MIER1: variants seen among roughly 807,000 people sequenced by gnomAD.
MIER1 encodes mesoderm induction early response protein 1.
In MIER1, 40 loss-of-function variants were observed where a neutral mutation model predicts 75.7. The observed-to-expected ratio is 0.53, with a 90% confidence interval of 0.41 to 0.69. The LOEUF (loss-of-function observed/expected upper bound fraction) is 0.69. MIER1 is among the 30% of genes least tolerant of loss of function. The pLI is 0.00. For synonymous variants in MIER1, 213 were observed against 223.4 expected (o/e 0.95, Z 0.42); for missense variants, 574 against 680.2 (o/e 0.84, Z 1.74).
chr1:66,952,625 CTGCTTTTCTACA>C (rs1183111225), intron 4 of MIER1, among the ~76,000 whole-genome samples: 2 of 152,062 alleles, frequency 1.3e-5, no homozygotes, highest in African/African-American at 4.8e-5. Context: ...TTCTCTATTT[CTGCTTTTCTACA>C]TGGTTTACCT....
chr1:66,943,818 C>T (rs1030313763), intron 3 of MIER1, among the ~76,000 whole-genome samples: 1 of 152,140 alleles, frequency 6.6e-6, no homozygotes, highest in African/African-American at 2.4e-5. Flanking sequence ...TACATAGACT[C>T]TCCTTAAGTA....
intron 4 of MIER1, chr1:66,947,909 A>C: frequency 1.0e-6 from 1 of 985,322 alleles, no homozygotes; most frequent in East Asian, 1.1e-4. Context: ...TATGCATCCC[A>C]AGGCCGGCTC....
chr1:66,975,177 A>G (rs1045154491), intron 11 of MIER1, among the ~76,000 whole-genome samples: 7 of 152,236 alleles, frequency 4.6e-5, no homozygotes, highest in African/African-American at 1.7e-4. Context: ...GCAGAAATTT[A>G]TGGGATAAAG....
At chr1:66,925,687 T>G (rs984817297) in intron 1 of MIER1, among the ~76,000 whole-genome samples, 3 of 152,210 alleles carry the variant, frequency 2.0e-5, no homozygotes, top group Admixed American at 1.3e-4. Flanking sequence ...CTCTTGTTCT[T>G]TCAGCTTGTA....
Position 66,984,619 on chromosome 1 carries a change from A to G in MIER1, c.1417A>G (p.Lys473Glu). Reference sequence around the variant, plus strand: ...TGAAATATTAAACAAAGAGGAAGTAAAAGTTGAAGGGTTACACATTAATGG... The same window carrying G: ...TGAAATATTAAACAAAGAGGAAGTAGAAGTTGAAGGGTTACACATTAATGG... ...PGEILNKEEV[K>E]VEGLHINGPT... The change falls in exon 14 of 14, where the codon AAA (lysine) becomes GAA (glutamate). Residue 473 changes from lysine (K) to glutamate (E), a missense_variant. By Grantham distance (56) the Lys-to-Glu change is moderately conservative. This residue lies in a region of MIER1 where 164 missense variants were observed against 154.3 expected (regional missense o/e 1.06). Coordinates refer to ENST00000401041, the MANE Select transcript of MIER1 (RefSeq NM_001077700.3). 1 of 1,610,174 alleles carries G rather than the reference A, an allele frequency of 6.2e-7. No individual in the cohort carries two copies. The highest frequency in any genetic ancestry group is 8.5e-7 in the Non-Finnish European group (1 of 1,178,918).
chr1:66,930,488 A>G, intron 2 of MIER1: 4 of 1,383,878 alleles, frequency 2.9e-6, no homozygotes, highest in East Asian at 2.6e-5. Flanking sequence ...TGGCCAGGAG[A>G]GGCCCGGCCC....
chr1:66,971,303 C>T (rs538556351), intron 9 of MIER1, among the ~76,000 whole-genome samples: 1 of 152,034 alleles, frequency 6.6e-6, no homozygotes, highest in East Asian at 1.9e-4. Context: ...ATGAACCTAT[C>T]TTTTTTACCT....
intron 11 of MIER1, among the ~76,000 whole-genome samples, chr1:66,974,884 A>C (rs183454553): frequency 6.6e-6 from 1 of 152,176 alleles, no homozygotes; most frequent in East Asian, 1.9e-4. Flanking sequence ...ATTTTTCATA[A>C]TCTTAACTTT....
intron 2 of MIER1, among the ~76,000 whole-genome samples, chr1:66,927,549 ATT>A (rs891975363): frequency 6.6e-6 from 1 of 151,660 alleles, no homozygotes; most frequent in East Asian, 1.9e-4. Flanking sequence ...TTAAAAATAA[ATT>A]TTTTTTTGTT....
chr1:66,925,142 G>A (rs1435606018), intron 1 of MIER1, 47 bp downstream of exon 1: 4 of 1,538,270 alleles, frequency 2.6e-6, no homozygotes, highest in African/African-American at 2.8e-5. Context: ...ATTCCAGTTT[G>A]GGATGAGGGG....
At position 66,987,679 on chromosome 1, in the gene MIER1, ATAC is replaced by A. The variant is rs1383690625; in HGVS notation, c.*2781_*2783del. ...TTTTTTAAACATATTTGCCTACATA[ATAC>A]TGTGTGAATATTTTCATTAGATTAA... is the stretch of plus-strand genomic sequence containing the variant. On this transcript the variant is annotated 3_prime_UTR_variant, in exon 14 of 14. Coordinates refer to ENST00000401041, the MANE Select transcript of MIER1 (RefSeq NM_001077700.3). 1 of 152,690 alleles carries A rather than the reference ATAC, an allele frequency of 6.5e-6. No individual in the cohort carries two copies. Among genetic ancestry groups the A allele is most frequent in the African/African-American group, 2.4e-5 (1 of 41,448 alleles). 9.5% of individuals were successfully genotyped at this position (152,690 alleles called of 1,614,324 possible). A position where few individuals can be genotyped will look rare whatever the true frequency, so the allele number is the denominator to read the frequency against.
chr1:66,950,782 A>C (rs1246452380), intron 4 of MIER1, among the ~76,000 whole-genome samples: 1 of 151,682 alleles, frequency 6.6e-6, no homozygotes, highest in African/African-American at 2.4e-5. Flanking sequence ...TCATTCCTAT[A>C]TAGTTTTATC....
Position 66,981,995 on chromosome 1 carries a change from G to T in MIER1, c.1369+77G>T. 4.0e-6 allele frequency: 6 copies of T among 1,506,118 alleles called. No individual in the cohort carries two copies. The African/African-American group carries it at 5.5e-5, about 14-fold the overall frequency. 93.3% of individuals were successfully genotyped at this position (1,506,118 alleles called of 1,614,324 possible). A position where few individuals can be genotyped will look rare whatever the true frequency, so the allele number is the denominator to read the frequency against. On this transcript the variant is annotated intron_variant, in intron 13 of 13. Coordinates refer to ENST00000401041, the MANE Select transcript of MIER1 (RefSeq NM_001077700.3). ...TGCAGTGACTTGGGAAATTCCGTTT[G>T]GGTTTCTATTAAACTTCCAGAGCAG... is the stretch of plus-strand genomic sequence containing the variant.
intron 12 of MIER1, among the ~76,000 whole-genome samples, chr1:66,980,216 T>G (rs529340788): frequency 6.6e-6 from 1 of 152,370 alleles, no homozygotes; most frequent in Non-Finnish European, 1.5e-5. Context: ...AAATTTGTTA[T>G]GTAATTTTTC....
chr1:66,986,239 C>T lies in MIER1; in HGVS notation c.*1339C>T, dbSNP rs12117131. The T allele has an allele frequency of 0.24, 319,934 of 1,327,158 alleles. 40,338 individuals are homozygous for T. Among genetic ancestry groups the T allele is most frequent in the Non-Finnish European group, 0.26 (268,419 of 1,040,130 alleles). The allele number at this position is 1,327,158 out of a possible 1,614,324, so 82.2% of individuals were successfully genotyped here. A position where few individuals can be genotyped will look rare whatever the true frequency, so the allele number is the denominator to read the frequency against. Reference sequence around the variant, plus strand: ...AATAAGATACACAATAATCATTGCTCTGTGTGATTACAGATAGGATTATCC... The same window carrying T: ...AATAAGATACACAATAATCATTGCTTTGTGTGATTACAGATAGGATTATCC... On this transcript the variant is annotated 3_prime_UTR_variant, in exon 14 of 14. Coordinates refer to ENST00000401041, the MANE Select transcript of MIER1 (RefSeq NM_001077700.3).
intron 2 of MIER1, among the ~76,000 whole-genome samples, chr1:66,930,061 C>T (rs548976369): frequency 2.0e-5 from 3 of 152,230 alleles, no homozygotes; most frequent in African/African-American, 7.2e-5. Context: ...GCGCCCCGCG[C>T]GGTTGCCCAC....
intron 2 of MIER1, among the ~76,000 whole-genome samples, chr1:66,930,061 C>A (rs548976369): frequency 6.6e-6 from 1 of 152,112 alleles, no homozygotes; most frequent in Admixed American, 6.5e-5. Context: ...GCGCCCCGCG[C>A]GGTTGCCCAC....
intron 2 of MIER1, among the ~76,000 whole-genome samples, chr1:66,926,515 T>G (rs866612524): frequency 6.6e-6 from 1 of 152,202 alleles, no homozygotes; most frequent in Non-Finnish European, 1.5e-5. Context: ...AAAGCCTATA[T>G]AAGTGTTTTA....
At chr1:66,941,355 G>A (rs1455217966) in intron 3 of MIER1, among the ~76,000 whole-genome samples, 1 of 152,124 alleles carries the variant, frequency 6.6e-6, no homozygotes, top group Non-Finnish European at 1.5e-5. Flanking sequence ...GGATGGTTAA[G>A]ATTGGGAGTA....
Sources: gnomAD v4.1 joint callset for allele counts (sites outside exome capture counted in the v4.1 genomes callset) on GRCh38, gnomAD v4.1.1 for gene constraint, gnomAD v4.1.1 regional missense constraint, MANE v1.5 for transcripts, NCBI Gene and HGNC (gene_info 2026-07-23, HGNC 2026-07-21) for gene names.